Variants in CNTN3 observed in about 807,000 individuals in gnomAD.
The protein encoded by CNTN3 is contactin 3, also known as contactin-3.
A neutral mutation model predicts 119.1 loss-of-function variants in CNTN3; 60 were observed. That is an observed-to-expected ratio of 0.50 (90% CI 0.41 to 0.62). The LOEUF (loss-of-function observed/expected upper bound fraction) is 0.62, where lower values mean the gene tolerates loss of function less well. CNTN3 is among the 20% of genes least tolerant of loss of function. The pLI, the probability that CNTN3 is intolerant of heterozygous loss-of-function variation, is 0.00. For missense variants in CNTN3, 1,101 were observed against 1,242.4 expected, an observed-to-expected ratio of 0.89 and a Z score of 1.71; for synonymous variants, 450 against 438.7, an observed-to-expected ratio of 1.03 and a Z score of -0.32.
chr3:74,281,086 G>T (rs557002405), intron 20 of CNTN3, among the ~76,000 whole-genome samples: 1 of 152,286 alleles, frequency 6.6e-6, no homozygotes, highest in South Asian at 2.1e-4. Flanking sequence ...ATAAGTCAGA[G>T]CAGAGATTGG....
intron 1 of CNTN3, among the ~76,000 whole-genome samples, chr3:74,536,207 G>A: frequency 6.6e-6 from 1 of 152,014 alleles, no homozygotes; most frequent in East Asian, 1.9e-4. Context: ...TGCAACAAAT[G>A]TTCAGAGGGT....
At chr3:74,494,244 T>C (rs910893658) in intron 3 of CNTN3, among the ~76,000 whole-genome samples, 2 of 152,086 alleles carry the variant, frequency 1.3e-5, no homozygotes, top group Non-Finnish European at 2.9e-5. Flanking sequence ...TGATTTAGCT[T>C]GTGTTTGATC....
At chr3:74,541,126 C>G (rs1559650928) in intron 1 of CNTN3, among the ~76,000 whole-genome samples, 1 of 152,136 alleles carries the variant, frequency 6.6e-6, no homozygotes, top group Non-Finnish European at 1.5e-5. Context: ...CATATCCTGA[C>G]TGTAGGAGTG....
At chr3:74,323,149 T>C (rs1444416311) in intron 13 of CNTN3, among the ~76,000 whole-genome samples, 1 of 152,126 alleles carries the variant, frequency 6.6e-6, no homozygotes, top group Non-Finnish European at 1.5e-5. Flanking sequence ...CTTGGGGTAA[T>C]AATGATGTGT....
In CNTN3 at chr3:74,324,314, C is replaced by A. The variant is rs183377369; in HGVS notation, c.1668+10421G>T. On this transcript the variant is annotated intron_variant, in intron 13 of 22. Transcript: ENST00000263665. ...GCAACCTCTGCCTCCCGGGTTCAAG[C>A]GATTCTCCTGTCTCAGCCTCCCGAG... Among the ~76,000 whole-genome samples the A allele has an allele frequency of 2.6e-5, 4 of 151,862 alleles. No homozygotes were observed. In the East Asian group the frequency reaches 7.7e-4, roughly 29 times the overall value.
rs111893598 is a variant in CNTN3 at position 74,512,348 on chromosome 3, A to G, written c.55+8710T>C. ...TTCAGTTATCTGGTTTGAGCAAATA[A>G]ATGCAAGTATTAAGTCTGAGACAAA... On this transcript the variant is annotated intron_variant, in intron 2 of 22. Transcript: ENST00000263665. 3.0e-3 allele frequency among the ~76,000 whole-genome samples: 459 copies of G among 152,198 alleles called. 2 individuals are homozygous for G. The highest frequency in any genetic ancestry group is 0.011 in the African/African-American group (437 of 41,518).
intron 4 of CNTN3, among the ~76,000 whole-genome samples, chr3:74,464,633 C>G (rs1157781232): frequency 6.6e-6 from 1 of 151,976 alleles, no homozygotes; most frequent in Non-Finnish European, 1.5e-5. Context: ...AGTGACTACA[C>G]AGAAAAAAAA....
chr3:74,358,523 T>TA (rs1703994541), intron 11 of CNTN3, among the ~76,000 whole-genome samples: 1 of 151,142 alleles, frequency 6.6e-6, no homozygotes, highest in Non-Finnish European at 1.5e-5. Context: ...TAGTATGGTA[T>TA]AAGGAAGAGT....
intron 9 of CNTN3, among the ~76,000 whole-genome samples, chr3:74,365,355 A>G (rs949946731): frequency 6.6e-6 from 1 of 152,168 alleles, no homozygotes; most frequent in Non-Finnish European, 1.5e-5. Context: ...TCCCAGTGAA[A>G]TGCCATGCTG....
intron 20 of CNTN3, among the ~76,000 whole-genome samples, chr3:74,272,809 C>A (rs1258477222): frequency 3.3e-5 from 5 of 152,076 alleles, no homozygotes; most frequent in Non-Finnish European, 7.4e-5. Context: ...TTTCAACAGG[C>A]AAGAATATGT....
At chr3:74,451,678 A>G (rs1191789284) in intron 4 of CNTN3, among the ~76,000 whole-genome samples, 2 of 151,364 alleles carry the variant, frequency 1.3e-5, no homozygotes, top group Non-Finnish European at 2.9e-5. Context: ...ATCCATCTTG[A>G]ATTGATTTTT....
chr3:74,496,628 G>C (rs1006550352), intron 3 of CNTN3, among the ~76,000 whole-genome samples: 1 of 151,972 alleles, frequency 6.6e-6, no homozygotes. Context: ...AGCATTAGTT[G>C]ATTGGACATT....
chr3:74,396,518 G>A (rs574455270), intron 5 of CNTN3, among the ~76,000 whole-genome samples: 16 of 152,092 alleles, frequency 1.1e-4, no homozygotes, highest in Admixed American at 2.0e-4. Context: ...AGGCCGAGGC[G>A]GGTGGATCAT....
At chr3:74,397,711 T>C (rs903939704) in intron 5 of CNTN3, among the ~76,000 whole-genome samples, 5 of 152,200 alleles carry the variant, frequency 3.3e-5, no homozygotes, top group African/African-American at 1.2e-4. Flanking sequence ...GTGATTCCTC[T>C]GATTGATCTG....
At position 74,314,848 on chromosome 3, in the gene CNTN3, G is replaced by A. The variant is rs770523563; in HGVS notation, c.1669-12041C>T. Among the ~76,000 whole-genome samples the A allele has an allele frequency of 4.6e-5, 7 of 152,156 alleles. No individual in the cohort carries two copies. The South Asian group carries it at 8.3e-4, about 18-fold the overall frequency. On this transcript the variant is annotated intron_variant, in intron 13 of 22. Transcript: ENST00000263665. Reference sequence around the variant, plus strand: ...TTTATCCAACAGCAGTGTCAGAGGCGTTTGAATCAGAGTGACTCCACCTTG... The same window carrying A: ...TTTATCCAACAGCAGTGTCAGAGGCATTTGAATCAGAGTGACTCCACCTTG...
chr3:74,563,218 C>T (rs1199784282), intron 1 of CNTN3, among the ~76,000 whole-genome samples: 4 of 152,118 alleles, frequency 2.6e-5, no homozygotes, highest in Non-Finnish European at 5.9e-5. Context: ...TTTCTGCTTT[C>T]TCATTTCTCC....
rs79556777 is a variant in CNTN3 at position 74,498,446 on chromosome 3, C to T, written c.182+1213G>A. Among the ~76,000 whole-genome samples, 12 of 151,834 alleles carry T rather than the reference C, an allele frequency of 7.9e-5. No individual in the cohort carries two copies. The East Asian group carries it at 2.3e-3, about 29-fold the overall frequency. On this transcript the variant is annotated intron_variant, in intron 3 of 22. Transcript: ENST00000263665. ...AGAAAGAGGTAGAGGCAGAGAAAAA[C>T]TTTTTCTCATCTTTGCCAACTCTAA...
rs1448548111 is a variant in CNTN3 at position 74,264,057 on chromosome 3, G to C, written c.*344C>G. 6.0e-6 allele frequency: 1 copy of C among 165,924 alleles called. No homozygotes were observed. Among genetic ancestry groups the C allele is most frequent in the African/African-American group, 2.4e-5 (1 of 42,068 alleles). The allele number at this position is 165,924 out of a possible 1,614,324, so 10.3% of individuals were successfully genotyped here. Reference sequence around the variant, plus strand: ...AATAGCATTTGAATTAAATGAAAGAGTTTTTCAATGTAAAAAGAAATTCTC... The same window carrying C: ...AATAGCATTTGAATTAAATGAAAGACTTTTTCAATGTAAAAAGAAATTCTC... On this transcript the variant is annotated 3_prime_UTR_variant, in exon 23 of 23. Coordinates refer to ENST00000263665, the MANE Select transcript of CNTN3 (RefSeq NM_020872.3).
chr3:74,267,558 A>G (rs1334683823), intron 20 of CNTN3, 180 bp from the exon 21 acceptor site: 6 of 503,946 alleles, frequency 1.2e-5, no homozygotes. Flanking sequence ...CTTTTTTTAG[A>G]AAGGCATTTC....
Sources: allele counts gnomAD v4.1 joint callset (sites outside exome capture counted in the v4.1 genomes callset), GRCh38; gene constraint gnomAD v4.1.1; transcripts MANE v1.5; gene names NCBI Gene and HGNC (gene_info 2026-07-23, HGNC 2026-07-21).